Variants in FBXL17 observed in about 807,000 individuals in gnomAD.
The protein encoded by FBXL17 is F-box/LRR-repeat protein 17.
Under a neutral mutation model 66.2 loss-of-function variants are expected in FBXL17, and 22 were observed. The observed-to-expected ratio is 0.33, with a 90% CI of 0.24 to 0.47. The LOEUF (loss-of-function observed/expected upper bound fraction) is 0.47. Ranked by LOEUF, FBXL17 falls within the 20% of genes least tolerant of loss-of-function variation. The pLI is 1.00. For synonymous variants in FBXL17, 474 were observed against 400.5 expected (o/e 1.18, Z -2.19); for missense variants, 878 against 948.2 (o/e 0.93, Z 0.97).
At chr5:108,211,582 T>C (rs2150061439) in intron 5 of FBXL17, among the ~76,000 whole-genome samples, 1 of 152,358 alleles carries the variant, frequency 6.6e-6, no homozygotes, top group Middle Eastern at 3.4e-3. Flanking sequence ...CCTTTGCTTA[T>C]GAAGCTTAGT....
chr5:107,867,334 C>G (rs1381183295), intron 8 of FBXL17, among the ~76,000 whole-genome samples: 2 of 152,210 alleles, frequency 1.3e-5, no homozygotes, highest in South Asian at 4.1e-4. Flanking sequence ...TTTGCTGGGT[C>G]ATGTGGCTGT....
intron 5 of FBXL17, among the ~76,000 whole-genome samples, chr5:108,201,144 C>A (rs1016739160): frequency 2.6e-4 from 40 of 152,096 alleles, no homozygotes; most frequent in African/African-American, 8.7e-4. Context: ...ACAATAAAGA[C>A]ACAACATAAT....
intron 5 of FBXL17, among the ~76,000 whole-genome samples, chr5:108,188,156 C>A (rs976719897): frequency 3.9e-5 from 6 of 152,054 alleles, no homozygotes; most frequent in Non-Finnish European, 7.4e-5. Flanking sequence ...AATTGCCAGG[C>A]AGTACTCACA....
intron 4 of FBXL17, among the ~76,000 whole-genome samples, chr5:108,268,956 A>T (rs1757154857): frequency 6.6e-6 from 1 of 152,104 alleles, no homozygotes; most frequent in Non-Finnish European, 1.5e-5. Flanking sequence ...ATTAGAGTTG[A>T]ATATTCATAT....
chr5:108,028,225 C>T (rs1754902493), intron 6 of FBXL17, among the ~76,000 whole-genome samples: 1 of 151,982 alleles, frequency 6.6e-6, no homozygotes, highest in Non-Finnish European at 1.5e-5. Context: ...AAACTGATGC[C>T]CACCACAAAA....
intron 6 of FBXL17, among the ~76,000 whole-genome samples, chr5:108,074,740 C>T (rs1748478758): frequency 6.6e-6 from 1 of 152,178 alleles, no homozygotes; most frequent in African/African-American, 2.4e-5. Flanking sequence ...TATTACATTA[C>T]CCGATCGCTT....
At chr5:107,862,958 T>C (rs1466770269) in intron 8 of FBXL17, among the ~76,000 whole-genome samples, 2 of 151,478 alleles carry the variant, frequency 1.3e-5, no homozygotes, top group East Asian at 3.8e-4. Flanking sequence ...TTTTACATTA[T>C]TGAGAGTTGA....
At chr5:108,144,863 T>C (rs1293860568) in intron 6 of FBXL17, among the ~76,000 whole-genome samples, 6 of 152,148 alleles carry the variant, frequency 3.9e-5, no homozygotes, top group African/African-American at 1.4e-4. Flanking sequence ...TCCATATAAA[T>C]TGAAAATAAA....
At chr5:108,006,414 A>C (rs1009990523) in intron 7 of FBXL17, among the ~76,000 whole-genome samples, 11 of 152,202 alleles carry the variant, frequency 7.2e-5, no homozygotes, top group Non-Finnish European at 8.8e-5. Context: ...GATGAAAGGT[A>C]GAAAGAAAGT....
At chr5:107,967,241 A>G (rs1752178227) in intron 7 of FBXL17, among the ~76,000 whole-genome samples, 2 of 151,982 alleles carry the variant, frequency 1.3e-5, no homozygotes. Context: ...AAATATTATT[A>G]TAACACTAAC....
intron 4 of FBXL17, among the ~76,000 whole-genome samples, chr5:108,235,246 A>G (rs1029315135): frequency 6.6e-6 from 1 of 152,198 alleles, no homozygotes; most frequent in African/African-American, 2.4e-5. Context: ...AAATTTTCCT[A>G]GACTTCACCC....
chr5:108,296,840 T>C (rs1315605371), intron 4 of FBXL17, among the ~76,000 whole-genome samples: 2 of 151,498 alleles, frequency 1.3e-5, no homozygotes, highest in Non-Finnish European at 3.0e-5. Flanking sequence ...AAATAACACA[T>C]TCAATATGAC....
intron 4 of FBXL17, among the ~76,000 whole-genome samples, chr5:108,345,831 T>C (rs376116738): frequency 6.6e-6 from 1 of 152,110 alleles, no homozygotes; most frequent in Non-Finnish European, 1.5e-5. Flanking sequence ...TAGCTTGATA[T>C]TTTAAGTCAG....
intron 4 of FBXL17, among the ~76,000 whole-genome samples, chr5:108,307,644 TTTTG>T (rs1297959620): frequency 6.6e-6 from 1 of 152,100 alleles, no homozygotes; most frequent in Non-Finnish European, 1.5e-5. Context: ...CAATCTCTGA[TTTTG>T]TTTAACATAT....
chr5:108,248,776 AGAT>A (rs1375278846), intron 4 of FBXL17, among the ~76,000 whole-genome samples: 1 of 152,154 alleles, frequency 6.6e-6, no homozygotes, highest in Non-Finnish European at 1.5e-5. Context: ...CATGTAAGCC[AGAT>A]GGAAGTAGGG....
intron 7 of FBXL17, among the ~76,000 whole-genome samples, chr5:107,896,219 AAG>A (rs1749377405): frequency 6.6e-6 from 1 of 152,168 alleles, no homozygotes; most frequent in Admixed American, 6.5e-5. Flanking sequence ...TATGAAGTTA[AAG>A]AGAGTCAATA....
intron 4 of FBXL17, among the ~76,000 whole-genome samples, chr5:108,333,167 T>TATATAC (rs1760212435): frequency 1.3e-5 from 2 of 148,510 alleles, no homozygotes; most frequent in African/African-American, 2.5e-5. Flanking sequence ...TATATATATA[T>TATATAC]ACATATTCAA....
intron 1 of FBXL17, among the ~76,000 whole-genome samples, chr5:108,374,408 A>C (rs1426934102): frequency 6.6e-6 from 1 of 152,218 alleles, no homozygotes; most frequent in African/African-American, 2.4e-5. Flanking sequence ...ACAGCAGCTC[A>C]GGCCTATAAT....
At chr5:108,034,266 T>A (rs1746756234) in intron 6 of FBXL17, among the ~76,000 whole-genome samples, 2 of 152,152 alleles carry the variant, frequency 1.3e-5, no homozygotes. Flanking sequence ...GGGAACCAAT[T>A]TTAAAATCAG....
Sources: gnomAD v4.1 joint callset for allele counts (sites outside exome capture counted in the v4.1 genomes callset) on GRCh38, gnomAD v4.1.1 for gene constraint, MANE v1.5 for transcripts, NCBI Gene and HGNC (gene_info 2026-07-23, HGNC 2026-07-21) for gene names.